SGCZ: variants seen among roughly 807,000 people sequenced by gnomAD.
The protein encoded by SGCZ is sarcoglycan zeta.
Under a neutral mutation model 41.3 loss-of-function variants are expected in SGCZ, and 40 were observed. The observed-to-expected ratio is 0.97, with a 90% CI of 0.75 to 1.26. SGCZ has a LOEUF of 1.26. Ranked by LOEUF, SGCZ falls within the 50% of genes most tolerant of loss-of-function variation. The probability of loss-of-function intolerance (pLI) is 0.00; values close to 1 mark genes in which losing one functional copy is unlikely to be tolerated. For synonymous variants in SGCZ, 206 were observed against 137.5 expected (o/e 1.50, Z -3.49); for missense variants, 552 against 369.8 (o/e 1.49, Z -4.04).
chr8:14,977,947 T>A (rs1801535125), intron 1 of SGCZ, among the ~76,000 whole-genome samples: 1 of 151,660 alleles, frequency 6.6e-6, no homozygotes, highest in African/African-American at 2.4e-5. Flanking sequence ...ATATTGTTTA[T>A]TTTTTTCAAA....
At chr8:14,532,927 A>G (rs1191959201) in intron 2 of SGCZ, among the ~76,000 whole-genome samples, 2 of 151,946 alleles carry the variant, frequency 1.3e-5, no homozygotes, top group Admixed American at 6.6e-5. Context: ...ACAACTTTCA[A>G]TCTTTTCTAG....
At chr8:15,190,004 T>C (rs1800480356) in intron 1 of SGCZ, among the ~76,000 whole-genome samples, 1 of 152,178 alleles carries the variant, frequency 6.6e-6, no homozygotes, top group Non-Finnish European at 1.5e-5. Flanking sequence ...CAACACATTA[T>C]CTACCATTCT....
At chr8:14,395,388 A>T (rs929068139) in intron 2 of SGCZ, among the ~76,000 whole-genome samples, 1 of 152,172 alleles carries the variant, frequency 6.6e-6, no homozygotes, top group African/African-American at 2.4e-5. Flanking sequence ...ATGACATAGG[A>T]AGTATAGCAT....
chr8:14,619,846 G>T (rs1025913046), intron 1 of SGCZ, among the ~76,000 whole-genome samples: 1 of 152,116 alleles, frequency 6.6e-6, no homozygotes, highest in Non-Finnish European at 1.5e-5. Flanking sequence ...AATCAATATC[G>T]TGAAAATGGC....
chr8:14,391,156 G>C (rs955140400), intron 2 of SGCZ, among the ~76,000 whole-genome samples: 2 of 152,070 alleles, frequency 1.3e-5, no homozygotes, highest in African/African-American at 4.8e-5. Context: ...TCTGAAAATG[G>C]ATTGATGTAA....
chr8:14,916,705 A>AATCTAGCTTTGTCAATTT (rs1470502532), intron 1 of SGCZ, among the ~76,000 whole-genome samples: 2 of 152,180 alleles, frequency 1.3e-5, no homozygotes, highest in Non-Finnish European at 1.5e-5. Context: ...GTCAATCTAG[A>AATCTAGCTTTGTCAATTT]CACGAGTAAA....
chr8:15,167,814 C>G (rs268404), intron 1 of SGCZ, among the ~76,000 whole-genome samples: 90,782 of 152,080 alleles, frequency 0.6, 27,896 homozygotes, highest in Non-Finnish European at 0.66. Context: ...TGTGAACCAA[C>G]CAGCAACCTC....
intron 1 of SGCZ, among the ~76,000 whole-genome samples, chr8:14,966,638 T>A (rs903969556): frequency 1.3e-5 from 2 of 152,106 alleles, no homozygotes; most frequent in African/African-American, 4.8e-5. Context: ...ATTAATACTG[T>A]TTTCCTTCTG....
intron 1 of SGCZ, among the ~76,000 whole-genome samples, chr8:14,794,388 C>A (rs1801056447): frequency 6.6e-6 from 1 of 152,052 alleles, no homozygotes; most frequent in African/African-American, 2.4e-5. Context: ...AAAGAAAAGA[C>A]AAAAAGAGCT....
intron 4 of SGCZ, among the ~76,000 whole-genome samples, chr8:14,171,149 TAAAA>T (rs3068453): frequency 9.5e-4 from 133 of 140,194 alleles, no homozygotes; most frequent in Non-Finnish European, 1.2e-3. Flanking sequence ...TGTGTTTCAT[TAAAA>T]AAAAAAAAAA....
At chr8:14,791,781 G>A (rs1284022524) in intron 1 of SGCZ, among the ~76,000 whole-genome samples, 1 of 152,164 alleles carries the variant, frequency 6.6e-6, no homozygotes, top group Non-Finnish European at 1.5e-5. Flanking sequence ...AGGTTCCAAT[G>A]AGCAGTTCTG....
intron 6 of SGCZ, among the ~76,000 whole-genome samples, chr8:14,106,544 T>C (rs563100720): frequency 1.2e-3 from 188 of 152,318 alleles, no homozygotes; most frequent in Middle Eastern, 3.4e-3. Flanking sequence ...GGAAATTTTA[T>C]CATAGGACTC....
intron 1 of SGCZ, among the ~76,000 whole-genome samples, chr8:14,950,219 A>C (rs2130834362): frequency 6.6e-6 from 1 of 152,218 alleles, no homozygotes; most frequent in East Asian, 1.9e-4. Context: ...AGAGAAAATG[A>C]AAGATAGGCC....
intron 1 of SGCZ, among the ~76,000 whole-genome samples, chr8:14,870,601 T>G (rs897945517): frequency 2.0e-5 from 3 of 151,896 alleles, no homozygotes; most frequent in Non-Finnish European, 4.4e-5. Flanking sequence ...CTAATTAAAC[T>G]AAAGAGCTTC....
intron 4 of SGCZ, among the ~76,000 whole-genome samples, chr8:14,203,942 G>A (rs892494759): frequency 6.6e-6 from 1 of 151,308 alleles, no homozygotes; most frequent in African/African-American, 2.4e-5. Flanking sequence ...TATGGAGAGG[G>A]GAGACCTGTA....
At chr8:14,195,333 C>T (rs1299035799) in intron 4 of SGCZ, among the ~76,000 whole-genome samples, 1 of 151,836 alleles carries the variant, frequency 6.6e-6, no homozygotes, top group Non-Finnish European at 1.5e-5. Context: ...GACATTACAG[C>T]TGAAAATATA....
chr8:14,811,829 C>G (rs1801747137), intron 1 of SGCZ, among the ~76,000 whole-genome samples: 1 of 151,928 alleles, frequency 6.6e-6, no homozygotes, highest in Non-Finnish European at 1.5e-5. Context: ...CAAATAGAAT[C>G]TTGGAAACTG....
At chr8:14,416,489 G>C (rs13264759) in intron 2 of SGCZ, among the ~76,000 whole-genome samples, 33,567 of 151,742 alleles carry the variant, frequency 0.22, 4,028 homozygotes, top group Non-Finnish European at 0.29. Flanking sequence ...CCTTCATAGA[G>C]AATCTGTATA....
intron 1 of SGCZ, among the ~76,000 whole-genome samples, chr8:14,841,861 G>T (rs1178364239): frequency 6.6e-6 from 1 of 152,138 alleles, no homozygotes; most frequent in Admixed American, 6.5e-5. Context: ...AACTGTTAAT[G>T]AATGAGGACA....
Sources: gnomAD v4.1 joint callset for allele counts (sites outside exome capture counted in the v4.1 genomes callset) on GRCh38, gnomAD v4.1.1 for gene constraint, MANE v1.5 for transcripts, NCBI Gene and HGNC (gene_info 2026-07-23, HGNC 2026-07-21) for gene names.